Variants in CTNNA3 observed in about 807,000 individuals in gnomAD.
CTNNA3 encodes catenin alpha 3.
In CTNNA3, 76 loss-of-function variants were observed where a neutral mutation model predicts 95.7. That is an observed-to-expected ratio of 0.79 (90% CI 0.66 to 0.96). The LOEUF is 0.96. CTNNA3 is among the 40% of genes least tolerant of loss of function. The pLI is 0.00. For synonymous variants in CTNNA3, 431 were observed against 374.4 expected, an observed-to-expected ratio of 1.15 and a Z score of -1.74; for missense variants, 1,191 against 1,089.8, an observed-to-expected ratio of 1.09 and a Z score of -1.31.
At chr10:66,626,627 C>T (rs1046860461) in intron 9 of CTNNA3, among the ~76,000 whole-genome samples, 3 of 152,032 alleles carry the variant, frequency 2.0e-5, no homozygotes, top group Admixed American at 6.6e-5. Context: ...ACAAATTTCT[C>T]CTACTTGTTC....
intron 11 of CTNNA3, among the ~76,000 whole-genome samples, chr10:66,404,357 G>A (rs79243300): frequency 0.17 from 26,379 of 151,994 alleles, 2,543 homozygotes; most frequent in African/African-American, 0.26. Flanking sequence ...AATTAAACTC[G>A]TTCACTACTG....
Position 67,389,594 on chromosome 10 carries a change from A to G in CTNNA3, c.579+132248T>C, listed in dbSNP as rs1177006330. ...TCTACAGAACTCTCCACCCCAAATC[A>G]ACAGAATATACATTTTTTTCAGCAC... On this transcript the variant is annotated intron_variant, in intron 5 of 17. Coordinates refer to ENST00000433211, the MANE Select transcript of CTNNA3 (RefSeq NM_013266.4). 6.0e-5 allele frequency among the ~76,000 whole-genome samples: 9 copies of G among 149,782 alleles called. No individual in the cohort carries two copies. The East Asian group carries it at 1.0e-3, about 17-fold the overall frequency.
intron 7 of CTNNA3, among the ~76,000 whole-genome samples, chr10:66,944,956 T>C (rs1482414578): frequency 1.3e-5 from 2 of 152,168 alleles, no homozygotes; most frequent in South Asian, 2.1e-4. Context: ...TAAACACATG[T>C]GCTATCATAC....
At chr10:66,430,013 CA>C (rs1476328019) in intron 11 of CTNNA3, among the ~76,000 whole-genome samples, 2 of 136,912 alleles carry the variant, frequency 1.5e-5, no homozygotes, top group Non-Finnish European at 3.1e-5. Context: ...CCCATCATCT[CA>C]GTCGAAAATC....
intron 9 of CTNNA3, among the ~76,000 whole-genome samples, chr10:66,626,956 CAAT>C (rs1338988077): frequency 6.8e-6 from 1 of 146,650 alleles, no homozygotes; most frequent in African/African-American, 2.5e-5. Context: ...ACAACAACAA[CAAT>C]ACACACATGA....
intron 13 of CTNNA3, among the ~76,000 whole-genome samples, chr10:66,184,527 T>C (rs186748086): frequency 1.2e-3 from 182 of 152,288 alleles, no homozygotes; most frequent in Non-Finnish European, 2.3e-3. Flanking sequence ...CCAATTTTTT[T>C]CAGCATCATT....
In CTNNA3 at chr10:67,680,753, T is replaced by C. The variant is rs189713702; in HGVS notation, c.-6+15247A>G. Among the ~76,000 whole-genome samples the C allele has an allele frequency of 5.6e-3, 853 of 152,342 alleles. 2 individuals are homozygous for C. Among genetic ancestry groups the C allele is most frequent in the Middle Eastern group, 0.014 (4 of 294 alleles). On this transcript the variant is annotated intron_variant, in intron 1 of 17. Coordinates refer to ENST00000433211, the MANE Select transcript of CTNNA3 (RefSeq NM_013266.4). ...TTTACTTTAAGAAAGTTAATTTTTA[T>C]AAATGACTTTTTAAAAAAGATATGT... is the stretch of plus-strand genomic sequence containing the variant.
upstream of CTNNA3, among the ~76,000 whole-genome samples, chr10:67,701,138 T>A (rs1436931557): frequency 6.6e-6 from 1 of 152,164 alleles, no homozygotes; most frequent in Non-Finnish European, 1.5e-5. Context: ...AAAGACCAAA[T>A]CTACGTCTGA....
intron 13 of CTNNA3, among the ~76,000 whole-genome samples, chr10:66,179,705 T>C (rs1248109208): frequency 6.6e-6 from 1 of 152,230 alleles, no homozygotes; most frequent in Non-Finnish European, 1.5e-5. Context: ...TTCATTTAAA[T>C]TTTTAAGTTT....
intron 5 of CTNNA3, among the ~76,000 whole-genome samples, chr10:67,388,867 T>G (rs905985358): frequency 1.3e-5 from 2 of 151,692 alleles, no homozygotes; most frequent in African/African-American, 4.8e-5. Flanking sequence ...TGCTGAGAGA[T>G]TTTGTCACCA....
At position 67,231,731 on chromosome 10, in the gene CTNNA3, C is replaced by A. The variant is rs191430757; in HGVS notation, c.580-11861G>T. Among the ~76,000 whole-genome samples the A allele has an allele frequency of 5.3e-3, 806 of 152,220 alleles. 4 individuals carry two copies. The highest frequency in any genetic ancestry group is 0.019 in the South Asian group (90 of 4,818). On this transcript the variant is annotated intron_variant, in intron 5 of 17. Transcript: ENST00000433211. ...TTACTCCGAGCTACAGGAGGACATT[C>A]AAACCAAAGGCAAAGAAGTTGAAAA...
At chr10:66,468,361 C>A (rs1286421947) in intron 11 of CTNNA3, among the ~76,000 whole-genome samples, 3 of 151,924 alleles carry the variant, frequency 2.0e-5, no homozygotes, top group Non-Finnish European at 4.4e-5. Context: ...AACAAGGCAT[C>A]TTTTAAAGGA....
intron 7 of CTNNA3, among the ~76,000 whole-genome samples, chr10:67,146,072 C>T (rs1008848359): frequency 1.3e-5 from 2 of 152,030 alleles, no homozygotes; most frequent in Admixed American, 1.3e-4. Context: ...CTGCACCTTC[C>T]AACCAACACC....
intron 11 of CTNNA3, among the ~76,000 whole-genome samples, chr10:66,402,657 C>T (rs150526538): frequency 1.3e-3 from 193 of 152,148 alleles, no homozygotes; most frequent in African/African-American, 4.5e-3. Context: ...ATTCTAGGAA[C>T]CTAGTTAGTC....
chr10:67,755,454 A>G (rs1358924473), intron 1 of CTNNA3, among the ~76,000 whole-genome samples: 2 of 152,138 alleles, frequency 1.3e-5, no homozygotes, highest in Non-Finnish European at 2.9e-5. Context: ...TCAAAAGACT[A>G]AAAATAGAAC....
intron 11 of CTNNA3, among the ~76,000 whole-genome samples, chr10:66,407,775 T>G (rs2093069826): frequency 6.6e-6 from 1 of 152,094 alleles, no homozygotes; most frequent in African/African-American, 2.4e-5. Context: ...GAGACGGGGT[T>G]TCACCATCTT....
In CTNNA3 at chr10:66,496,405, G is replaced by A. The variant is rs1840100342; in HGVS notation, c.1531+24212C>T. On this transcript the variant is annotated intron_variant, in intron 11 of 17. Transcript: ENST00000433211. Reference sequence around the variant, plus strand: ...ATAATTATTTCCAGTTTGATTAAATGCTATAATCACTATCTCATTACTAGA... The same window carrying A: ...ATAATTATTTCCAGTTTGATTAAATACTATAATCACTATCTCATTACTAGA... 3.3e-5 allele frequency among the ~76,000 whole-genome samples: 5 copies of A among 152,070 alleles called. No individual in the cohort carries two copies. In the South Asian group the frequency reaches 1.0e-3, roughly 32 times the overall value.
chr10:66,394,393 CA>C, intron 11 of CTNNA3, among the ~76,000 whole-genome samples: 2 of 151,962 alleles, frequency 1.3e-5, no homozygotes, highest in Non-Finnish European at 2.9e-5. Flanking sequence ...ACAAAATAAA[CA>C]AACAGAAAAA....
At chr10:67,072,433 T>C (rs145431284) in intron 7 of CTNNA3, among the ~76,000 whole-genome samples, 3 of 152,248 alleles carry the variant, frequency 2.0e-5, no homozygotes, top group Non-Finnish European at 4.4e-5. Flanking sequence ...TATTTGTATG[T>C]CTACGTACTC....
Sources: allele counts gnomAD v4.1 joint callset (sites outside exome capture counted in the v4.1 genomes callset), GRCh38; gene constraint gnomAD v4.1.1; transcripts MANE v1.5; gene names NCBI Gene and HGNC (gene_info 2026-07-23, HGNC 2026-07-21).